Variants in KCNMA1 observed in about 807,000 individuals in gnomAD.
KCNMA1 encodes potassium calcium-activated channel subfamily M alpha 1.
KCNMA1 carries 29 observed loss-of-function variants against 140.0 expected under a neutral mutation model. That is an observed-to-expected ratio of 0.21 (90% CI 0.15 to 0.28). The LOEUF is 0.28. KCNMA1 is among the 10% of genes least tolerant of loss of function. KCNMA1 has a pLI of 1.00. For synonymous variants in KCNMA1, 612 were observed against 611.9 expected (o/e 1.00, Z 0.00); for missense variants, 880 against 1,602.2 (o/e 0.55, Z 7.70).
rs541021588 is a variant in KCNMA1 at position 77,355,631 on chromosome 10, G to A, written c.540+48231C>T. ...TATGAAAGATAGCATAAGACAGAAC[G>A]GAGAGATGGAAAGAAGCCAGATCCT... On this transcript the variant is annotated intron_variant, in intron 2 of 27. Coordinates refer to ENST00000286628, the MANE Select transcript of KCNMA1 (RefSeq NM_001161352.2). 5.3e-5 allele frequency among the ~76,000 whole-genome samples: 8 copies of A among 152,334 alleles called. No individual in the cohort carries two copies. The Middle Eastern group carries it at 0.01, about 194-fold the overall frequency.
At chr10:76,874,233 A>G (rs188805902), downstream of KCNMA1, 40 of 152,330 alleles carry the variant, frequency 2.6e-4, no homozygotes, top group African/African-American at 9.4e-4. Flanking sequence ...TACCTATTCT[A>G]TGTCCAGAGC....
chr10:77,162,517 G>T (rs555500608), intron 5 of KCNMA1, among the ~76,000 whole-genome samples: 1 of 152,222 alleles, frequency 6.6e-6, no homozygotes, highest in South Asian at 2.1e-4. Context: ...GGTTTTTGTT[G>T]TTCTCTGACT....
At chr10:77,492,849 G>A (rs2040447483) in intron 1 of KCNMA1, among the ~76,000 whole-genome samples, 1 of 152,244 alleles carries the variant, frequency 6.6e-6, no homozygotes, top group South Asian at 2.1e-4. Context: ...AAGGTAAGAT[G>A]TATTAGTGCC....
At chr10:77,123,654 G>A (rs2097674540) in intron 5 of KCNMA1, among the ~76,000 whole-genome samples, 1 of 152,196 alleles carries the variant, frequency 6.6e-6, no homozygotes, top group South Asian at 2.1e-4. Context: ...CCCAGTGGAT[G>A]CCTGAAACCT....
chr10:77,448,559 C>T (rs1184432682), intron 1 of KCNMA1, among the ~76,000 whole-genome samples: 1 of 152,168 alleles, frequency 6.6e-6, no homozygotes, highest in Non-Finnish European at 1.5e-5. Context: ...TCAGCAGCGA[C>T]ATCTAAATTT....
At chr10:77,133,341 T>C (rs2097904932) in intron 5 of KCNMA1, among the ~76,000 whole-genome samples, 1 of 151,808 alleles carries the variant, frequency 6.6e-6, no homozygotes, top group Admixed American at 6.6e-5. Context: ...GAGATTCACA[T>C]GATATGAAAA....
chr10:77,224,243 C>A (rs1184276967), intron 3 of KCNMA1, among the ~76,000 whole-genome samples: 1 of 152,226 alleles, frequency 6.6e-6, no homozygotes. Context: ...GTGACCTAGG[C>A]CCATGGCCCA....
intron 25 of KCNMA1, among the ~76,000 whole-genome samples, chr10:76,908,440 C>T (rs1023821250): frequency 1.3e-5 from 2 of 152,220 alleles, no homozygotes; most frequent in African/African-American, 4.8e-5. Flanking sequence ...AATGTCATTT[C>T]ACAGTCATTT....
intron 23 of KCNMA1, chr10:76,929,941 A>T (rs755159790): frequency 1.3e-5 from 2 of 152,224 alleles, no homozygotes; most frequent in Non-Finnish European, 2.9e-5. Context: ...CATGCAAAAG[A>T]ATAAATCTGA....
intron 3 of KCNMA1, among the ~76,000 whole-genome samples, chr10:77,210,757 C>T (rs897861362): frequency 2.0e-5 from 3 of 152,156 alleles, no homozygotes; most frequent in Admixed American, 6.5e-5. Context: ...AGTAGCATTT[C>T]TACACACCAA....
intron 3 of KCNMA1, among the ~76,000 whole-genome samples, chr10:77,206,701 T>C (rs2044230256): frequency 6.6e-6 from 1 of 151,658 alleles, no homozygotes; most frequent in Non-Finnish European, 1.5e-5. Flanking sequence ...TTGTTCACTG[T>C]TTCACCAAAA....
intron 9 of KCNMA1, chr10:77,090,865 T>C (rs2096796588): frequency 3.0e-6 from 1 of 330,156 alleles, no homozygotes; most frequent in African/African-American, 2.1e-5. Flanking sequence ...TATCTCTCCC[T>C]TTCTGCCCAC....
intron 1 of KCNMA1, among the ~76,000 whole-genome samples, chr10:77,611,676 T>G (rs1395439267): frequency 6.6e-6 from 1 of 152,184 alleles, no homozygotes; most frequent in Non-Finnish European, 1.5e-5. Context: ...CCAAGGCCAG[T>G]GTTCACCCAG....
intron 3 of KCNMA1, among the ~76,000 whole-genome samples, chr10:77,241,928 A>G (rs754819939): frequency 1.4e-4 from 21 of 152,312 alleles, no homozygotes; most frequent in Non-Finnish European, 2.6e-4. Context: ...AATTGGCTCA[A>G]CAAAGCCAAC....
At chr10:77,098,588 C>G (rs78270980) in intron 9 of KCNMA1, among the ~76,000 whole-genome samples, 1 of 148,540 alleles carries the variant, frequency 6.7e-6, no homozygotes, top group Admixed American at 6.7e-5. Flanking sequence ...AAAAAAAAAA[C>G]AAAAAACTTT....
intron 1 of KCNMA1, chr10:77,634,518 C>G: frequency 2.1e-5 from 21 of 985,018 alleles, no homozygotes; most frequent in Non-Finnish European, 2.5e-5. Flanking sequence ...GAAATTGGAG[C>G]TCCTTGCTGA....
chr10:77,203,206 A>G (rs902076162), intron 3 of KCNMA1, among the ~76,000 whole-genome samples: 2 of 152,256 alleles, frequency 1.3e-5, no homozygotes. Flanking sequence ...AACTCCTGCT[A>G]TGAAGAAGGG....
At chr10:77,490,729 T>C (rs191610470) in intron 1 of KCNMA1, among the ~76,000 whole-genome samples, 1 of 152,316 alleles carries the variant, frequency 6.6e-6, no homozygotes, top group East Asian at 1.9e-4. Flanking sequence ...AAACAGTCTA[T>C]TTACATACAG....
intron 9 of KCNMA1, among the ~76,000 whole-genome samples, chr10:77,101,500 C>G (rs1438708728): frequency 6.6e-6 from 1 of 152,200 alleles, no homozygotes; most frequent in Non-Finnish European, 1.5e-5. Context: ...GTGTTTCCTT[C>G]TGACTAGAAT....
Sources: allele counts gnomAD v4.1 joint callset (sites outside exome capture counted in the v4.1 genomes callset), GRCh38; gene constraint gnomAD v4.1.1; transcripts MANE v1.5; gene names NCBI Gene and HGNC (gene_info 2026-07-23, HGNC 2026-07-21).